The following KCNH8 variants were observed in gnomAD, a reference collection of about 807,000 sequenced individuals.
KCNH8 encodes voltage-gated delayed rectifier potassium channel KCNH8.
Under a neutral mutation model 103.6 loss-of-function variants are expected in KCNH8, and 70 were observed. The observed-to-expected ratio is 0.68, with a 90% CI of 0.56 to 0.82. KCNH8 has a LOEUF of 0.82. Among genes scored for constraint, KCNH8 ranks in the 40% least tolerant of loss-of-function variants. The probability of loss-of-function intolerance (pLI) is 0.00; values close to 1 mark genes in which losing one functional copy is unlikely to be tolerated. For synonymous variants in KCNH8, 498 were observed against 489.4 expected (o/e 1.02, Z -0.23); for missense variants, 1,217 against 1,329.9 (o/e 0.92, Z 1.32).
intron 7 of KCNH8, among the ~76,000 whole-genome samples, chr3:19,430,523 T>G (rs2067105126): frequency 6.6e-6 from 1 of 152,158 alleles, no homozygotes. Flanking sequence ...TTGTGAAGAA[T>G]GCCAATGGTA....
chr3:19,487,527 G>A lies in KCNH8; in HGVS notation c.2041-22836G>A, dbSNP rs146654031. Among the ~76,000 whole-genome samples the A allele has an allele frequency of 8.2e-4, 125 of 152,232 alleles. 1 individual carries two copies. In the East Asian group the frequency reaches 0.017, roughly 21 times the overall value. ...TCCCTCAAGAGCTTCTCTGGGAACC[G>A]GATACTGCTTTTGTCTAATTGGCTG... On this transcript the variant is annotated intron_variant, in intron 11 of 15. Coordinates refer to ENST00000328405, the MANE Select transcript of KCNH8 (RefSeq NM_144633.3).
intron 3 of KCNH8, among the ~76,000 whole-genome samples, chr3:19,316,944 A>G (rs2065282641): frequency 6.6e-6 from 1 of 151,890 alleles, no homozygotes; most frequent in African/African-American, 2.4e-5. Flanking sequence ...GAATCTATTC[A>G]TTGATCTTAC....
intron 11 of KCNH8, among the ~76,000 whole-genome samples, chr3:19,481,385 G>C (rs2068083825): frequency 6.6e-6 from 1 of 151,896 alleles, no homozygotes; most frequent in Non-Finnish European, 1.5e-5. Context: ...ACCTCCAAAA[G>C]TCTAGTCTTT....
chr3:19,203,625 A>G (rs1326187305), intron 1 of KCNH8, among the ~76,000 whole-genome samples: 1 of 152,050 alleles, frequency 6.6e-6, no homozygotes, highest in African/African-American at 2.4e-5. Flanking sequence ...AAATAATATC[A>G]CCACATTGAA....
intron 2 of KCNH8, among the ~76,000 whole-genome samples, chr3:19,270,725 G>A (rs1459006650): frequency 2.6e-5 from 4 of 152,118 alleles, no homozygotes; most frequent in African/African-American, 9.7e-5. Flanking sequence ...AGTTGAGTTT[G>A]CACAATGGAA....
At chr3:19,211,786 G>T (rs992693933) in intron 1 of KCNH8, among the ~76,000 whole-genome samples, 29 of 152,118 alleles carry the variant, frequency 1.9e-4, no homozygotes, top group Admixed American at 2.0e-4. Flanking sequence ...GGAAAGTCAT[G>T]CTGGATTTCC....
chr3:19,489,726 C>A (rs1216126559), intron 11 of KCNH8, among the ~76,000 whole-genome samples: 2 of 152,068 alleles, frequency 1.3e-5, no homozygotes, highest in Non-Finnish European at 2.9e-5. Flanking sequence ...ACCACACTCA[C>A]ACCACAAAAC....
At chr3:19,472,866 T>A (rs974151688) in intron 11 of KCNH8, among the ~76,000 whole-genome samples, 1 of 152,232 alleles carries the variant, frequency 6.6e-6, no homozygotes, top group African/African-American at 2.4e-5. Flanking sequence ...CATCTCATCT[T>A]TTTTTACTTT....
chr3:19,298,949 A>G (rs1254689757), intron 3 of KCNH8, among the ~76,000 whole-genome samples: 2 of 151,426 alleles, frequency 1.3e-5, no homozygotes, highest in East Asian at 3.9e-4. Flanking sequence ...AAAAAGAGAA[A>G]CAATTAGATT....
At chr3:19,474,658 G>A (rs1214225458) in intron 11 of KCNH8, among the ~76,000 whole-genome samples, 2 of 152,062 alleles carry the variant, frequency 1.3e-5, no homozygotes, top group Non-Finnish European at 2.9e-5. Flanking sequence ...AATAATTAAG[G>A]AAAATTCTGA....
chr3:19,461,408 T>C (rs2067625785), intron 11 of KCNH8, among the ~76,000 whole-genome samples: 3 of 152,194 alleles, frequency 2.0e-5, no homozygotes, highest in South Asian at 2.1e-4. Context: ...ACTTGTATTC[T>C]GATGATTACA....
intron 14 of KCNH8, among the ~76,000 whole-genome samples, chr3:19,517,604 ATGTT>A (rs2068896474): frequency 6.6e-6 from 1 of 152,050 alleles, no homozygotes; most frequent in Admixed American, 6.6e-5. Context: ...ACATGAATCA[ATGTT>A]TAGAATGGAA....
At chr3:19,332,347 A>T (rs1206658003) in intron 3 of KCNH8, among the ~76,000 whole-genome samples, 1 of 152,184 alleles carries the variant, frequency 6.6e-6, no homozygotes, top group Non-Finnish European at 1.5e-5. Flanking sequence ...TGCAATGTGT[A>T]ACCTCTTGAG....
intron 5 of KCNH8, among the ~76,000 whole-genome samples, chr3:19,389,864 G>A (rs901717014): frequency 1.3e-5 from 2 of 151,886 alleles, no homozygotes; most frequent in Non-Finnish European, 2.9e-5. Flanking sequence ...TTCTGAGCTC[G>A]GGCAATTCTT....
intron 5 of KCNH8, among the ~76,000 whole-genome samples, chr3:19,387,851 T>A (rs9818641): frequency 0.58 from 87,487 of 151,824 alleles, 26,727 homozygotes; most frequent in African/African-American, 0.79. Flanking sequence ...TTTTCATTCC[T>A]TTAACTCAAT....
chr3:19,452,840 T>C (rs1349631255), intron 10 of KCNH8, among the ~76,000 whole-genome samples: 1 of 152,188 alleles, frequency 6.6e-6, no homozygotes, highest in African/African-American at 2.4e-5. Flanking sequence ...GACTCTGTAT[T>C]CAGCATTCCT....
intron 10 of KCNH8, among the ~76,000 whole-genome samples, 167 bp from the exon 11 acceptor site, chr3:19,456,601 C>T (rs1410983028): frequency 6.6e-6 from 1 of 151,830 alleles, no homozygotes. Flanking sequence ...AGCTAAAGCC[C>T]AGGTATGATG....
intron 1 of KCNH8, among the ~76,000 whole-genome samples, chr3:19,220,379 T>A (rs955811663): frequency 3.9e-5 from 6 of 152,236 alleles, no homozygotes; most frequent in Non-Finnish European, 7.3e-5. Context: ...GTTTAGTTTC[T>A]CCTTAAACTC....
chr3:19,198,954 A>G (rs1358043005), intron 1 of KCNH8, among the ~76,000 whole-genome samples: 1 of 152,078 alleles, frequency 6.6e-6, no homozygotes, highest in Non-Finnish European at 1.5e-5. Context: ...AAGAGCCACA[A>G]ACTAATCAGA....
Sources: gnomAD v4.1 joint callset for allele counts (sites outside exome capture counted in the v4.1 genomes callset) on GRCh38, gnomAD v4.1.1 for gene constraint, MANE v1.5 for transcripts, NCBI Gene and HGNC (gene_info 2026-07-23, HGNC 2026-07-21) for gene names.